Variants in DLGAP1 observed in about 807,000 individuals in gnomAD.
DLGAP1 encodes DLG associated protein 1, also known as disks large-associated protein 1.
In DLGAP1, 11 loss-of-function variants were observed where a neutral mutation model predicts 90.8. The observed-to-expected ratio is 0.12, with a 90% CI of 0.08 to 0.20. The LOEUF (loss-of-function observed/expected upper bound fraction) is 0.20. DLGAP1 is among the 10% of genes least tolerant of loss of function. The pLI, the probability that DLGAP1 is intolerant of heterozygous loss-of-function variation, is 1.00. For synonymous variants in DLGAP1, 558 were observed against 540.7 expected, an observed-to-expected ratio of 1.03 and a Z score of -0.44; for missense variants, 1,050 against 1,333.8, an observed-to-expected ratio of 0.79 and a Z score of 3.31.
At chr18:3,525,102 AATC>A (rs3075072) in intron 10 of DLGAP1, among the ~76,000 whole-genome samples, 36,413 of 148,804 alleles carry the variant, frequency 0.24, 4,513 homozygotes, top group Non-Finnish European at 0.29. Context: ...AAAAAAAAAA[AATC>A]AACAACATTA....
At chr18:4,231,558 A>T (rs180980970) in intron 1 of DLGAP1, among the ~76,000 whole-genome samples, 1 of 152,082 alleles carries the variant, frequency 6.6e-6, no homozygotes, top group Non-Finnish European at 1.5e-5. Flanking sequence ...CCACTGTGTG[A>T]TCTCTCTGTT....
chr18:4,272,672 A>G (rs184433781), intron 1 of DLGAP1, among the ~76,000 whole-genome samples: 62 of 152,306 alleles, frequency 4.1e-4, no homozygotes, highest in African/African-American at 1.4e-3. Flanking sequence ...AACATATATA[A>G]AAGGATTTCC....
intron 2 of DLGAP1, among the ~76,000 whole-genome samples, chr18:4,065,872 C>T (rs1446109704): frequency 6.6e-6 from 1 of 151,994 alleles, no homozygotes; most frequent in African/African-American, 2.4e-5. Context: ...CAATCCTAAG[C>T]AAAAAGAACA....
intron 7 of DLGAP1, chr18:3,708,605 T>C: frequency 2.2e-6 from 1 of 450,772 alleles, no homozygotes; most frequent in Non-Finnish European, 4.5e-6. Flanking sequence ...CTGTTTGCGA[T>C]GGGCATCTGG....
Position 3,976,323 on chromosome 18 carries a change from C to T in DLGAP1, c.-73+28793G>A, listed in dbSNP as rs1433279831. ...CCCGGGAGGCAGAGGTTGCACTGCA[C>T]TCCAGCCTGGGCAACAAGAGCAAAA... On this transcript the variant is annotated intron_variant, in intron 3 of 12. Coordinates refer to ENST00000315677, the MANE Select transcript of DLGAP1 (RefSeq NM_004746.4). 2.0e-5 allele frequency among the ~76,000 whole-genome samples: 3 copies of T among 149,388 alleles called. No homozygotes were observed. In the East Asian group the frequency reaches 5.9e-4, roughly 29 times the overall value.
In DLGAP1 at chr18:3,879,057, C is replaced by T. The variant is rs1436235970; in HGVS notation, c.957+55G>A. The stretch of plus-strand genomic sequence containing the variant: ...CAAGACTAGAACCAGGAGAAATGCC[C>T]ACACAAGCATGCCAGGTACTACTTC... On this transcript the variant is annotated intron_variant, in intron 4 of 12. Transcript: ENST00000315677. This position sits in a 1 kb window ranked among gnomAD's most constrained non-coding sequence, Gnocchi z 6.6. The T allele has an allele frequency of 2.2e-6, 3 of 1,384,840 alleles. No homozygotes were observed. The highest frequency in any genetic ancestry group is 9.6e-7 in the Non-Finnish European group (1 of 1,046,460). The allele number at this position is 1,384,840 out of a possible 1,614,324, so 85.8% of individuals were successfully genotyped here.
At chr18:4,367,179 T>C (rs1169118056) in intron 1 of DLGAP1, among the ~76,000 whole-genome samples, 1 of 145,758 alleles carries the variant, frequency 6.9e-6, no homozygotes, top group African/African-American at 2.6e-5. Flanking sequence ...TAATTACATC[T>C]AGTATGTAAT....
At chr18:4,409,039 A>G (rs1320051622) in intron 1 of DLGAP1, among the ~76,000 whole-genome samples, 2 of 151,908 alleles carry the variant, frequency 1.3e-5, no homozygotes, top group African/African-American at 4.8e-5. Flanking sequence ...AAACAACCCA[A>G]ATGTCCAGCA....
intron 1 of DLGAP1, among the ~76,000 whole-genome samples, chr18:4,323,670 C>A (rs1452295676): frequency 1.3e-5 from 2 of 152,000 alleles, no homozygotes; most frequent in Non-Finnish European, 2.9e-5. Context: ...TCATACCAAC[C>A]ACACTTTCGG....
intron 7 of DLGAP1, among the ~76,000 whole-genome samples, chr18:3,665,051 G>A (rs765214319): frequency 1.3e-5 from 2 of 152,142 alleles, no homozygotes; most frequent in Non-Finnish European, 2.9e-5. Context: ...TTTTGTAACC[G>A]CTGGGGAAGA....
At chr18:3,581,394 C>T (rs1461519023) in intron 8 of DLGAP1, among the ~76,000 whole-genome samples, 1 of 152,130 alleles carries the variant, frequency 6.6e-6, no homozygotes, top group African/African-American at 2.4e-5. Context: ...CTGCTGCACA[C>T]CTCTGTTTGG....
intron 2 of DLGAP1, among the ~76,000 whole-genome samples, chr18:4,143,153 T>G (rs2144327181): frequency 6.6e-6 from 1 of 152,074 alleles, no homozygotes; most frequent in African/African-American, 2.4e-5. Context: ...GCCCTAGGGC[T>G]CTACAATCAG....
intron 1 of DLGAP1, among the ~76,000 whole-genome samples, chr18:4,386,744 G>A (rs961453362): frequency 1.3e-5 from 2 of 152,170 alleles, no homozygotes; most frequent in Admixed American, 6.6e-5. Flanking sequence ...ATTACAAACT[G>A]ACTGTCTGGG....
intron 2 of DLGAP1, among the ~76,000 whole-genome samples, chr18:4,018,307 C>T (rs1388296132): frequency 6.6e-6 from 1 of 152,198 alleles, no homozygotes; most frequent in Non-Finnish European, 1.5e-5. Context: ...AGAACTGGCC[C>T]AAACTGAAGC....
intron 5 of DLGAP1, among the ~76,000 whole-genome samples, chr18:3,743,544 C>T (rs949508499): frequency 5.6e-4 from 85 of 151,904 alleles, no homozygotes; most frequent in African/African-American, 2.0e-3. Flanking sequence ...TTAGTAGAGA[C>T]GGGGTTTCAC....
intron 1 of DLGAP1, among the ~76,000 whole-genome samples, chr18:4,245,118 T>C (rs2078626394): frequency 6.6e-6 from 1 of 152,212 alleles, no homozygotes; most frequent in Non-Finnish European, 1.5e-5. Flanking sequence ...TAGCTGCTAC[T>C]GGTATAACTC....
At chr18:3,654,950 T>C (rs2059429919) in intron 7 of DLGAP1, 1 of 152,182 alleles carries the variant, frequency 6.6e-6, no homozygotes, top group Non-Finnish European at 1.5e-5. Context: ...AATGTAATGG[T>C]ACTAAATCCG....
intron 7 of DLGAP1, among the ~76,000 whole-genome samples, chr18:3,601,003 G>T (rs1303652317): frequency 7.4e-6 from 1 of 135,594 alleles, no homozygotes; most frequent in Non-Finnish European, 1.5e-5. Flanking sequence ...TAGATATATA[G>T]ATATAGATAG....
intron 1 of DLGAP1, among the ~76,000 whole-genome samples, chr18:4,308,457 G>A (rs1446463597): frequency 6.6e-6 from 1 of 152,114 alleles, no homozygotes; most frequent in African/African-American, 2.4e-5. Context: ...AGCTGTAATA[G>A]CTCCAGTGAC....
Sources: allele counts gnomAD v4.1 joint callset (sites outside exome capture counted in the v4.1 genomes callset), GRCh38; gene constraint gnomAD v4.1.1; non-coding constraint Gnocchi (gnomAD v3.1); transcripts MANE v1.5; gene names NCBI Gene and HGNC (gene_info 2026-07-23, HGNC 2026-07-21).